The following RASSF3 variants were observed in gnomAD, a reference collection of about 807,000 sequenced individuals.
RASSF3 encodes ras association domain-containing protein 3.
RASSF3 carries 19 observed loss-of-function variants against 19.9 expected under a neutral mutation model. The ratio of observed to expected loss-of-function variants is 0.96; its 90% CI spans 0.67 to 1.40. RASSF3 has a LOEUF of 1.40. Ranked by LOEUF, RASSF3 falls within the 40% of genes most tolerant of loss-of-function variation. The pLI, the probability that RASSF3 is intolerant of heterozygous loss-of-function variation, is 0.00. For synonymous variants in RASSF3, 110 were observed against 104.2 expected (o/e 1.06, Z -0.34); for missense variants, 306 against 289.8 (o/e 1.06, Z -0.41).
chr12:64,590,345 G>T (rs1360009871), intron 2 of RASSF3, among the ~76,000 whole-genome samples: 1 of 152,046 alleles, frequency 6.6e-6, no homozygotes, highest in African/African-American at 2.4e-5. Flanking sequence ...GAAGGAATGA[G>T]GCCAAGACAG....
In RASSF3 at chr12:64,593,131, T is replaced by A. The variant is rs553080228; in HGVS notation, c.294+51426T>A. Among the ~76,000 whole-genome samples the A allele has an allele frequency of 2.6e-5, 4 of 152,340 alleles. No homozygotes were observed. The South Asian group carries it at 8.3e-4, about 32-fold the overall frequency. ...GAGCACAGTGCAAGAAGTATATGTA[T>A]ATAATTGTGTAACCCACCATGACCA... On this transcript the variant is annotated intron_variant, in intron 2 of 5. Coordinates refer to the RASSF3 transcript ENST00000637125.
In RASSF3 at chr12:64,573,103, A is replaced by G. The variant is rs916984586; in HGVS notation, c.294+31398A>G. 7.9e-5 allele frequency among the ~76,000 whole-genome samples: 12 copies of G among 152,226 alleles called. 1 individual carries two copies. Among genetic ancestry groups the G allele is most frequent in the African/African-American group, 2.4e-4 (10 of 41,538 alleles). ...TATGGTGGCTCGTGCCTGTAATTTT[A>G]CCACTTTGGAAGGATGAGGTGGGAG... On this transcript the variant is annotated intron_variant, in intron 2 of 5. Coordinates refer to the RASSF3 transcript ENST00000637125.
chr12:64,641,458 T>G (rs1465192524), intron 1 of RASSF3, among the ~76,000 whole-genome samples: 1 of 141,520 alleles, frequency 7.1e-6, no homozygotes, highest in Non-Finnish European at 1.5e-5. Flanking sequence ...CCTATGGACG[T>G]GGGGGACTAG....
At chr12:64,692,044 CT>C (rs1261584033) in intron 4 of RASSF3, among the ~76,000 whole-genome samples, 10 of 152,142 alleles carry the variant, frequency 6.6e-5, no homozygotes, top group Admixed American at 1.3e-4. Flanking sequence ...TTTCTAGCAT[CT>C]TTTTTTTCCC....
rs1226485261 is a variant in RASSF3 at position 64,563,010 on chromosome 12, C to T, written c.294+21305C>T. On this transcript the variant is annotated intron_variant, in intron 2 of 5. Transcript: ENST00000637125. ...CTGTCTCCAAAATCTAACCAATGTC[C>T]GTCTACTTCTCTCTATGCCCACAGC... Among the ~76,000 whole-genome samples the T allele has an allele frequency of 3.3e-5, 5 of 152,076 alleles. No individual in the cohort carries two copies. In the South Asian group the frequency reaches 6.2e-4, roughly 19 times the overall value.
chr12:64,659,908 A>G (rs895310397), intron 1 of RASSF3, among the ~76,000 whole-genome samples: 2 of 151,874 alleles, frequency 1.3e-5, no homozygotes, highest in Non-Finnish European at 2.9e-5. Flanking sequence ...AGATGGCGCC[A>G]CTACACTCCA....
chr12:64,570,983 C>T (rs79901920), intron 2 of RASSF3, among the ~76,000 whole-genome samples: 1 of 151,952 alleles, frequency 6.6e-6, no homozygotes. Context: ...TTTGGGAGGC[C>T]GAGATGGGTG....
chr12:64,668,680 ATTTTTTTT>A (rs34052700), intron 1 of RASSF3, among the ~76,000 whole-genome samples: 2 of 124,208 alleles, frequency 1.6e-5, no homozygotes, highest in Admixed American at 8.7e-5. Flanking sequence ...TTTAATTTTG[ATTTTTTTT>A]TTTTTTTTTT....
chr12:64,522,877 A>G (rs1868507914), intron 1 of RASSF3, among the ~76,000 whole-genome samples: 1 of 152,164 alleles, frequency 6.6e-6, no homozygotes, highest in South Asian at 2.1e-4. Flanking sequence ...GGAAAAGTGT[A>G]TCTTCATTTC....
At chr12:64,584,224 G>T (rs1360558012) in intron 2 of RASSF3, among the ~76,000 whole-genome samples, 2 of 152,184 alleles carry the variant, frequency 1.3e-5, no homozygotes, top group African/African-American at 4.8e-5. Flanking sequence ...GTTCTCAACA[G>T]AGAAATCTCC....
intron 1 of RASSF3, chr12:64,629,887 C>T (rs943549288): frequency 2.0e-5 from 3 of 147,204 alleles, no homozygotes; most frequent in African/African-American, 7.6e-5. Flanking sequence ...TCACTTGAAC[C>T]TGGGAGGTGG....
At chr12:64,630,927 A>G (rs543959778) in intron 1 of RASSF3, among the ~76,000 whole-genome samples, 15 of 152,206 alleles carry the variant, frequency 9.9e-5, no homozygotes, top group Admixed American at 3.3e-4. Context: ...CAGGCAGTCA[A>G]TAAATTTTGA....
chr12:64,643,097 C>A (rs1201697596), intron 1 of RASSF3, among the ~76,000 whole-genome samples: 1 of 151,706 alleles, frequency 6.6e-6, no homozygotes, highest in African/African-American at 2.4e-5. Flanking sequence ...TCAGGTGATT[C>A]CGCCCCTCCC....
At chr12:64,581,598 G>A (rs1414303093) in intron 2 of RASSF3, among the ~76,000 whole-genome samples, 1 of 151,914 alleles carries the variant, frequency 6.6e-6, no homozygotes, top group Non-Finnish European at 1.5e-5. Flanking sequence ...GTATGCCTGC[G>A]GTTCCAGCTA....
intron 1 of RASSF3, among the ~76,000 whole-genome samples, chr12:64,644,911 A>G (rs1361638553): frequency 6.6e-6 from 1 of 152,034 alleles, no homozygotes; most frequent in Non-Finnish European, 1.5e-5. Flanking sequence ...TCTACAAAAT[A>G]AAAAATAAAA....
At chr12:64,523,368 T>C (rs1023486869) in intron 1 of RASSF3, among the ~76,000 whole-genome samples, 3 of 152,058 alleles carry the variant, frequency 2.0e-5, no homozygotes, top group Admixed American at 6.6e-5. Context: ...ATCACGCCAC[T>C]GCACTCCAGC....
At chr12:64,535,965 G>A (rs1395405280) in intron 1 of RASSF3, among the ~76,000 whole-genome samples, 1 of 148,818 alleles carries the variant, frequency 6.7e-6, no homozygotes, top group Non-Finnish European at 1.5e-5. Flanking sequence ...GGGATTACAG[G>A]TGTGAACCAC....
chr12:64,556,794 A>G (rs1318003946), intron 2 of RASSF3, among the ~76,000 whole-genome samples: 1 of 150,018 alleles, frequency 6.7e-6, no homozygotes, highest in Admixed American at 6.6e-5. Flanking sequence ...CAGGGGCACA[A>G]TTGGTATTCA....
chr12:64,586,292 C>T (rs1215410114), intron 2 of RASSF3, among the ~76,000 whole-genome samples: 1 of 150,450 alleles, frequency 6.6e-6, no homozygotes, highest in African/African-American at 2.5e-5. Flanking sequence ...CCTCTGCACT[C>T]CAGCCTGGGC....
Sources: allele counts gnomAD v4.1 joint callset (sites outside exome capture counted in the v4.1 genomes callset), GRCh38; gene constraint gnomAD v4.1.1; transcripts MANE v1.5; gene names NCBI Gene and HGNC (gene_info 2026-07-23, HGNC 2026-07-21).